Variants in LRP5 observed in about 807,000 individuals in gnomAD.
The protein encoded by LRP5 is LDL receptor related protein 5, also known as low-density lipoprotein receptor-related protein 5.
Under a neutral mutation model 154.1 loss-of-function variants are expected in LRP5, and 62 were observed. That is an observed-to-expected ratio of 0.40 (90% CI 0.33 to 0.50). The LOEUF (loss-of-function observed/expected upper bound fraction) is 0.50. Among genes scored for constraint, LRP5 ranks in the 20% least tolerant of loss-of-function variants. The pLI, the probability that LRP5 is intolerant of heterozygous loss-of-function variation, is 0.55. For missense variants in LRP5, 1,915 were observed against 2,336.7 expected (o/e 0.82, Z 3.72); for synonymous variants, 966 against 1,011.5 (o/e 0.96, Z 0.85).
Position 68,413,953 on chromosome 11 carries a change from G to A in LRP5, c.2768G>A (p.Gly923Asp). ...CGQLCLAIPGGHRCGCASHYT... is the reference protein window; with the variant it reads ...CGQLCLAIPGDHRCGCASHYT... ...CAGCTGTGCCTTGCCATCCCCGGCGGCCACCGCTGCGGCTGCGCCTCACAC... is the reference window on the plus strand; with the variant it reads ...CAGCTGTGCCTTGCCATCCCCGGCGACCACCGCTGCGGCTGCGCCTCACAC... Residue 923 changes from glycine (G) to aspartate (D), a missense_variant, in exon 12 of 23, where the codon GGC becomes GAC. Gly to Asp is a moderately conservative substitution (Grantham distance 94). Around this residue, in one of 3 missense-constraint regions of LRP5, gnomAD observed 1,094 missense variants for 1,210.1 expected, o/e 0.90. Coordinates refer to ENST00000294304, the MANE Select transcript of LRP5 (RefSeq NM_002335.4). The surrounding 1 kb of genome is among the most constrained non-coding windows in gnomAD (Gnocchi z 5.1). 6.2e-7 allele frequency: 1 copy of A among 1,608,682 alleles called. No individual in the cohort carries two copies.
intron 10 of LRP5, among the ~76,000 whole-genome samples, 158 bp downstream of exon 10, chr11:68,410,298 C>T (rs1169166888): frequency 4.6e-5 from 7 of 152,270 alleles, no homozygotes; most frequent in African/African-American, 1.7e-4. Flanking sequence ...TGGTAGGGCC[C>T]TCAGAGGTCA....
Position 68,426,350 on chromosome 11 carries a change from C to T in LRP5, c.3637+163C>T, listed in dbSNP as rs79307835. 0.012 allele frequency among the ~76,000 whole-genome samples: 1,844 copies of T among 152,038 alleles called. 48 individuals are homozygous for T. Among genetic ancestry groups the T allele is most frequent in the African/African-American group, 0.042 (1,759 of 41,408 alleles). ...GGTTCAGCGACATGTCCGAATGTCC[C>T]GAGGCCTCTGAGGTTGTTTTCTTTT... On this transcript the variant is annotated intron_variant, in intron 16 of 22. Transcript: ENST00000294304.
At chr11:68,349,417 G>A (rs951056558) in intron 2 of LRP5, among the ~76,000 whole-genome samples, 2 of 152,218 alleles carry the variant, frequency 1.3e-5, no homozygotes, top group Non-Finnish European at 2.9e-5. Context: ...ACACATCTTT[G>A]CTGTGTGTAT....
chr11:68,373,436 C>T (rs1350894974), intron 5 of LRP5, among the ~76,000 whole-genome samples: 3 of 152,140 alleles, frequency 2.0e-5, no homozygotes, highest in Non-Finnish European at 2.9e-5. Flanking sequence ...GCACTATTTA[C>T]GTGGCCCCTG....
intron 22 of LRP5, among the ~76,000 whole-genome samples, chr11:68,448,215 C>G (rs535671668): frequency 2.0e-5 from 3 of 152,272 alleles, no homozygotes; most frequent in African/African-American, 7.2e-5. Context: ...ATGGGGGGAA[C>G]CACCCCCATG....
chr11:68,378,333 G>T (rs1318257657), intron 5 of LRP5, among the ~76,000 whole-genome samples: 1 of 152,098 alleles, frequency 6.6e-6, no homozygotes, highest in Non-Finnish European at 1.5e-5. Context: ...ATAGTTCCTG[G>T]GGCTGCAGGT....
chr11:68,429,372 C>T (rs1384503005), intron 16 of LRP5, among the ~76,000 whole-genome samples: 1 of 152,164 alleles, frequency 6.6e-6, no homozygotes, highest in East Asian at 1.9e-4. Flanking sequence ...TTGTTTCCGG[C>T]ATCCATTTGT....
chr11:68,411,657 C>T lies in LRP5; in HGVS notation c.2503+37C>T, dbSNP rs2242339. On this transcript the variant is annotated intron_variant, in intron 11 of 22. Transcript: ENST00000294304. ...GCTGGGGCCTTCTGGTCATGGAGGGCGGGGCAGCCGGGCGTTGGCCACCTC... is the reference window on the plus strand; with the variant it reads ...GCTGGGGCCTTCTGGTCATGGAGGGTGGGGCAGCCGGGCGTTGGCCACCTC... 0.067 allele frequency: 105,541 copies of T among 1,576,534 alleles called. 3,755 individuals are homozygous for T. Among genetic ancestry groups the T allele is most frequent in the Middle Eastern group, 0.12 (651 of 5,310 alleles).
upstream of LRP5, among the ~76,000 whole-genome samples, chr11:68,308,861 G>A (rs1403810483): frequency 1.4e-5 from 2 of 146,996 alleles, no homozygotes; most frequent in Non-Finnish European, 1.5e-5. Context: ...TGATTCTCCC[G>A]CCTCAGCCTC....
At chr11:68,443,562 TATATATATATATA>T (rs1418669212) in intron 21 of LRP5, among the ~76,000 whole-genome samples, 20 of 34,430 alleles carry the variant, frequency 5.8e-4, no homozygotes, top group African/African-American at 2.7e-3. Context: ...TATATATATA[TATATATATATATA>T]TATATATATA....
upstream of LRP5, among the ~76,000 whole-genome samples, chr11:68,308,425 T>C (rs115953807): frequency 0.011 from 1,676 of 152,258 alleles, 22 homozygotes; most frequent in African/African-American, 0.037. Flanking sequence ...TGTTACTTCA[T>C]TGGGATGGAC....
intron 5 of LRP5, among the ~76,000 whole-genome samples, chr11:68,376,010 G>C (rs1344519534): frequency 6.6e-6 from 1 of 152,156 alleles, no homozygotes; most frequent in African/African-American, 2.4e-5. Context: ...TTGTCACATG[G>C]TTCCATTCTA....
chr11:68,439,691 G>A, intron 20 of LRP5, 86 bp from the exon 21 acceptor site: 1 of 1,414,084 alleles, frequency 7.1e-7, no homozygotes, highest in South Asian at 1.2e-5. Flanking sequence ...CGTGGGTAGT[G>A]GGAGCAGAGG....
intron 6 of LRP5, 40 bp from the exon 7 acceptor site, chr11:68,389,841 G>C: frequency 6.2e-7 from 1 of 1,612,762 alleles, no homozygotes; most frequent in Non-Finnish European, 8.5e-7. Context: ...GCAGAGACCA[G>C]ACAGACTCAT....
chr11:68,382,916 C>T (rs1420167325), intron 5 of LRP5, among the ~76,000 whole-genome samples: 3 of 151,770 alleles, frequency 2.0e-5, no homozygotes, highest in Admixed American at 1.3e-4. Flanking sequence ...CTCACCCCAA[C>T]GCGCAGGCTG....
intron 1 of LRP5, among the ~76,000 whole-genome samples, chr11:68,324,897 G>A (rs2098598774): frequency 6.6e-6 from 1 of 152,180 alleles, no homozygotes; most frequent in Non-Finnish European, 1.5e-5. Context: ...GGTCTGGCAC[G>A]CCACTGGGTG....
intron 5 of LRP5, among the ~76,000 whole-genome samples, chr11:68,374,313 T>C (rs948111909): frequency 2.5e-4 from 38 of 152,228 alleles, no homozygotes; most frequent in African/African-American, 8.7e-4. Context: ...GGCTGTCTTG[T>C]CACTTATCAG....
chr11:68,313,228 G>A (rs1049361047), intron 1 of LRP5, among the ~76,000 whole-genome samples: 4 of 151,548 alleles, frequency 2.6e-5, no homozygotes, highest in Non-Finnish European at 4.4e-5. Context: ...GCGGCCGCGC[G>A]GCCGCCCCGC....
Position 68,449,068 on chromosome 11 carries a change from T to G in LRP5, c.4846T>G (p.Ter1616GlyextTer13). The change falls in exon 23 of 23, where the codon TGA (stop) becomes GGA (glycine). Residue 1616 changes from the stop codon to glycine (G), a stop_lost. Coordinates refer to ENST00000294304, the MANE Select transcript of LRP5 (RefSeq NM_002335.4). Reference protein sequence around the residue: ...PPPSPCTDSS* With the variant: ...PPPSPCTDSSG ...TCCGTCCCCCTGCACGGACTCATCC[T>G]GACCTCGGCCGGGCCACTCTGGCTT... 6.5e-7 allele frequency: 1 copy of G among 1,542,906 alleles called. No individual in the cohort carries two copies. Among genetic ancestry groups the G allele is most frequent in the Non-Finnish European group, 8.7e-7 (1 of 1,145,936 alleles).
Sources: gnomAD v4.1 joint callset for allele counts (sites outside exome capture counted in the v4.1 genomes callset) on GRCh38, gnomAD v4.1.1 for gene constraint, gnomAD v4.1.1 regional missense constraint, Gnocchi (gnomAD v3.1) non-coding constraint, MANE v1.5 for transcripts, NCBI Gene and HGNC (gene_info 2026-07-23, HGNC 2026-07-21) for gene names.